The following SPMIP2 variants were observed in gnomAD, a reference collection of about 807,000 sequenced individuals.
SPMIP2 encodes protein SPMIP2.
At chr4:159,032,781 CTTT>C in the SPMIP2 span, among the ~76,000 whole-genome samples, 6 of 140,470 alleles carry the variant, frequency 4.3e-5, no homozygotes, top group Non-Finnish European at 7.7e-5. Context: ...AATGACCTTT[CTTT>C]TTTTTTTTTT....
At chr4:158,915,498 G>C in the SPMIP2 span, 5 of 733,264 alleles carry the variant, frequency 6.8e-6, no homozygotes, top group African/African-American at 8.9e-5. Flanking sequence ...CTGAAGACCT[G>C]ACCCATCCTG....
the SPMIP2 span, among the ~76,000 whole-genome samples, chr4:158,981,394 C>T: frequency 1.3e-5 from 2 of 152,060 alleles, no homozygotes; most frequent in African/African-American, 2.4e-5. Context: ...AACCCCAAGA[C>T]ACATAATCAT....
At chr4:159,040,527 G>A in the SPMIP2 span, among the ~76,000 whole-genome samples, 1 of 151,840 alleles carries the variant, frequency 6.6e-6, no homozygotes, top group Non-Finnish European at 1.5e-5. Flanking sequence ...GTGCAGTGGT[G>A]GGACCATAGC....
At chr4:158,994,809 A>G in the SPMIP2 span, among the ~76,000 whole-genome samples, 7 of 152,322 alleles carry the variant, frequency 4.6e-5, no homozygotes, top group South Asian at 1.4e-3. Flanking sequence ...GGGGGAAGAA[A>G]AAAGGAGATA....
chr4:159,074,342 G>T, the SPMIP2 span, among the ~76,000 whole-genome samples: 1 of 152,108 alleles, frequency 6.6e-6, no homozygotes, highest in Non-Finnish European at 1.5e-5. Flanking sequence ...CTCAGGGAAT[G>T]AAATGGGCAC....
At chr4:158,994,026 T>A in the SPMIP2 span, among the ~76,000 whole-genome samples, 1 of 152,242 alleles carries the variant, frequency 6.6e-6, no homozygotes, top group Non-Finnish European at 1.5e-5. Context: ...CTTCCTTCTA[T>A]GGAGAACCTA....
At chr4:158,917,522 C>T in the SPMIP2 span, among the ~76,000 whole-genome samples, 5 of 151,964 alleles carry the variant, frequency 3.3e-5, no homozygotes, top group Non-Finnish European at 7.4e-5. Flanking sequence ...TCACCTTCCC[C>T]TCGATGAGCT....
the SPMIP2 span, among the ~76,000 whole-genome samples, chr4:158,943,551 T>G: frequency 1.3e-5 from 2 of 152,194 alleles, no homozygotes. Flanking sequence ...CAGTAAAATT[T>G]GTTATATATC....
the SPMIP2 span, among the ~76,000 whole-genome samples, chr4:158,895,091 T>G: frequency 6.6e-6 from 1 of 152,158 alleles, no homozygotes; most frequent in Non-Finnish European, 1.5e-5. Context: ...ATGGTTGCTA[T>G]TCTCTAAAAA....
At chr4:159,055,741 T>C in the SPMIP2 span, among the ~76,000 whole-genome samples, 1 of 151,736 alleles carries the variant, frequency 6.6e-6, no homozygotes, top group Non-Finnish European at 1.5e-5. Context: ...TAAACAAATA[T>C]AAAAAACGAA....
At chr4:158,960,348 T>C in the SPMIP2 span, 3 of 1,521,510 alleles carry the variant, frequency 2.0e-6, no homozygotes, top group South Asian at 1.2e-5. Context: ...CTTCATACTG[T>C]AAAAGGAAGA....
At chr4:159,046,855 G>T in the SPMIP2 span, among the ~76,000 whole-genome samples, 1 of 152,252 alleles carries the variant, frequency 6.6e-6, no homozygotes, top group African/African-American at 2.4e-5. Context: ...TTACAGGCGT[G>T]AGCAACTACG....
chr4:158,968,123 G>T, the SPMIP2 span, among the ~76,000 whole-genome samples: 4 of 152,094 alleles, frequency 2.6e-5, no homozygotes, highest in Non-Finnish European at 4.4e-5. Context: ...TCCACTTCCC[G>T]GGTTCAAGCA....
the SPMIP2 span, among the ~76,000 whole-genome samples, chr4:158,902,805 C>G: frequency 6.6e-6 from 1 of 152,214 alleles, no homozygotes; most frequent in Non-Finnish European, 1.5e-5. Context: ...ACCGCTTACT[C>G]AAGTCTCAGC....
chr4:158,980,920 A>C, the SPMIP2 span, among the ~76,000 whole-genome samples: 2 of 152,342 alleles, frequency 1.3e-5, no homozygotes, highest in Admixed American at 1.3e-4. Context: ...TCCTAGCTAA[A>C]GGAGCATGTT....
chr4:158,948,089 C>T, the SPMIP2 span, among the ~76,000 whole-genome samples: 1 of 152,168 alleles, frequency 6.6e-6, no homozygotes, highest in African/African-American at 2.4e-5. Context: ...CTCGATAAAG[C>T]TCCTTCTGGA....
At chr4:158,997,992 A>G in the SPMIP2 span, among the ~76,000 whole-genome samples, 1 of 152,130 alleles carries the variant, frequency 6.6e-6, no homozygotes, top group Non-Finnish European at 1.5e-5. Flanking sequence ...AGCAGAGGTC[A>G]GCACATTTTT....
chr4:159,015,927 A>G, the SPMIP2 span, among the ~76,000 whole-genome samples: 3 of 152,220 alleles, frequency 2.0e-5, no homozygotes, highest in Non-Finnish European at 4.4e-5. Context: ...TAATGTAGCT[A>G]AGAAAAGAGT....
At chr4:158,915,278 G>A in the SPMIP2 span, 1 of 1,613,562 alleles carries the variant, frequency 6.2e-7, no homozygotes. Flanking sequence ...TCTGATCAGT[G>A]TCCTCGAAAG....
Sources: allele counts gnomAD v4.1 joint callset (sites outside exome capture counted in the v4.1 genomes callset), GRCh38; gene constraint gnomAD v4.1.1; transcripts MANE v1.5; gene names NCBI Gene and HGNC (gene_info 2026-07-23, HGNC 2026-07-21).